KHDRBS2: variants seen among roughly 807,000 people sequenced by gnomAD.
The protein encoded by KHDRBS2 is KH domain-containing, RNA-binding, signal transduction-associated protein 2.
KHDRBS2 carries 26 observed loss-of-function variants against 44.3 expected under a neutral mutation model. That is an observed-to-expected ratio of 0.59 (90% CI 0.43 to 0.81). The LOEUF is 0.81. Ranked by LOEUF, KHDRBS2 falls within the 40% of genes least tolerant of loss-of-function variation. KHDRBS2 has a pLI of 0.00. For synonymous variants in KHDRBS2, 194 were observed against 151.1 expected (o/e 1.28, Z -2.08); for missense variants, 476 against 433.1 (o/e 1.10, Z -0.88).
intron 6 of KHDRBS2, among the ~76,000 whole-genome samples, chr6:61,776,434 C>G (rs1228394481): frequency 2.6e-5 from 4 of 151,854 alleles, no homozygotes; most frequent in African/African-American, 9.7e-5. Flanking sequence ...TGAACTCAAA[C>G]AAATTTACAA....
the KHDRBS2 span, among the ~76,000 whole-genome samples, chr6:61,590,745 C>G: frequency 6.6e-6 from 1 of 152,082 alleles, no homozygotes; most frequent in African/African-American, 2.4e-5. Flanking sequence ...ACTGAGCTAA[C>G]AATATGACAT....
chr6:62,043,571 A>G (rs1397610994), intron 3 of KHDRBS2, among the ~76,000 whole-genome samples: 3 of 152,082 alleles, frequency 2.0e-5, no homozygotes, highest in Non-Finnish European at 2.9e-5. Flanking sequence ...AATACGAGAA[A>G]GAAATCATGA....
chr6:62,079,712 A>G (rs1256691646), intron 2 of KHDRBS2, among the ~76,000 whole-genome samples: 1 of 152,114 alleles, frequency 6.6e-6, no homozygotes, highest in African/African-American at 2.4e-5. Flanking sequence ...GATATCTAAT[A>G]TAATTAGAGA....
At chr6:61,793,742 A>G (rs1292091009) in intron 6 of KHDRBS2, among the ~76,000 whole-genome samples, 2 of 152,134 alleles carry the variant, frequency 1.3e-5, no homozygotes, top group Non-Finnish European at 2.9e-5. Context: ...ATTGCACCAG[A>G]TGCCACAAAC....
chr6:62,158,816 A>T (rs115076991), intron 2 of KHDRBS2, among the ~76,000 whole-genome samples: 1 of 151,920 alleles, frequency 6.6e-6, no homozygotes, highest in Admixed American at 6.6e-5. Context: ...TTTTTTTCAT[A>T]TTCTTGCTTT....
At chr6:62,012,255 C>T (rs571256056) in intron 3 of KHDRBS2, among the ~76,000 whole-genome samples, 3 of 152,138 alleles carry the variant, frequency 2.0e-5, no homozygotes, top group Non-Finnish European at 4.4e-5. Context: ...GTAAGTCCTG[C>T]AGATTCTGAT....
At chr6:62,183,768 A>G (rs1439338225) in intron 1 of KHDRBS2, among the ~76,000 whole-genome samples, 1 of 151,692 alleles carries the variant, frequency 6.6e-6, no homozygotes, top group Non-Finnish European at 1.5e-5. Flanking sequence ...AAATATAACA[A>G]TAGGGTAGAA....
At chr6:61,598,120 C>T in the KHDRBS2 span, among the ~76,000 whole-genome samples, 1 of 150,942 alleles carries the variant, frequency 6.6e-6, no homozygotes, top group Non-Finnish European at 1.5e-5. Context: ...ACCCTGCTGA[C>T]TGTGAGGAGT....
rs1799108341 is a variant in KHDRBS2, at chr6:62,089,574, C to CT, written c.220-41581_220-41580insA. Reference sequence around the variant, plus strand: ...GGCTGCACCCACTGCCTAACCAGTCCCAATGAGATGAACCGTGTACCTCAG... The same window carrying CT: ...GGCTGCACCCACTGCCTAACCAGTCCTCAATGAGATGAACCGTGTACCTCAG... On this transcript the variant is annotated intron_variant, in intron 2 of 8. Coordinates refer to ENST00000281156, the MANE Select transcript of KHDRBS2 (RefSeq NM_152688.4). Among the ~76,000 whole-genome samples, 3 of 152,178 alleles carry CT rather than the reference C, an allele frequency of 2.0e-5. No homozygotes were observed. The South Asian group carries it at 6.2e-4, about 32-fold the overall frequency.
intron 6 of KHDRBS2, among the ~76,000 whole-genome samples, chr6:61,848,469 TTATATA>T (rs796641130): frequency 1.9e-4 from 14 of 73,678 alleles, no homozygotes; most frequent in South Asian, 1.9e-3. Context: ...AATGGAGGTT[TTATATA>T]TATATATATA....
At chr6:62,278,558 A>G (rs1841336283) in intron 1 of KHDRBS2, among the ~76,000 whole-genome samples, 2 of 152,222 alleles carry the variant, frequency 1.3e-5, no homozygotes, top group African/African-American at 2.4e-5. Flanking sequence ...TTAATGTACA[A>G]GGCCTAATAG....
At chr6:61,940,401 A>G (rs1113437) in intron 4 of KHDRBS2, among the ~76,000 whole-genome samples, 60,114 of 151,804 alleles carry the variant, frequency 0.4, 12,061 homozygotes, top group Admixed American at 0.47. Context: ...AGAGCACTGC[A>G]ATCCTCAATC....
At chr6:61,893,024 A>C (rs948757966) in intron 6 of KHDRBS2, among the ~76,000 whole-genome samples, 13 of 152,238 alleles carry the variant, frequency 8.5e-5, no homozygotes, top group Non-Finnish European at 1.5e-4. Flanking sequence ...GCTAATATCC[A>C]GAATCTACAA....
At chr6:61,571,461 C>A in the KHDRBS2 span, among the ~76,000 whole-genome samples, 1 of 151,888 alleles carries the variant, frequency 6.6e-6, no homozygotes, top group Non-Finnish European at 1.5e-5. Flanking sequence ...AATGGCAATG[C>A]AATAATAACA....
chr6:61,828,841 T>G (rs951651079), intron 6 of KHDRBS2, among the ~76,000 whole-genome samples: 10 of 152,240 alleles, frequency 6.6e-5, no homozygotes, highest in Non-Finnish European at 8.8e-5. Flanking sequence ...TGTCTTTTAT[T>G]TATCTTTGTA....
the KHDRBS2 span, among the ~76,000 whole-genome samples, chr6:61,573,312 G>A: frequency 6.6e-6 from 1 of 152,116 alleles, no homozygotes; most frequent in Non-Finnish European, 1.5e-5. Context: ...CTGAAAGAAA[G>A]CATAAATGAC....
chr6:61,991,990 G>A (rs1584014136), intron 3 of KHDRBS2, among the ~76,000 whole-genome samples: 1 of 152,136 alleles, frequency 6.6e-6, no homozygotes, highest in Non-Finnish European at 1.5e-5. Flanking sequence ...TCAGGCAAAC[G>A]GACTGAGAAG....
chr6:62,032,551 A>G (rs1584267658), intron 3 of KHDRBS2, among the ~76,000 whole-genome samples: 1 of 149,790 alleles, frequency 6.7e-6, no homozygotes, highest in Non-Finnish European at 1.5e-5. Context: ...TATATATTAT[A>G]TATATGTATA....
At chr6:61,688,300 T>C (rs1253487964) in intron 8 of KHDRBS2, among the ~76,000 whole-genome samples, 3 of 151,900 alleles carry the variant, frequency 2.0e-5, no homozygotes, top group Non-Finnish European at 2.9e-5. Context: ...TGGTGAATGA[T>C]AATTTGGCAC....
Sources: allele counts gnomAD v4.1 joint callset (sites outside exome capture counted in the v4.1 genomes callset), GRCh38; gene constraint gnomAD v4.1.1; transcripts MANE v1.5; gene names NCBI Gene and HGNC (gene_info 2026-07-23, HGNC 2026-07-21).